The following ATP2B2 variants were observed in gnomAD, a reference collection of about 807,000 sequenced individuals.
ATP2B2 encodes the protein plasma membrane calcium-transporting ATPase 2.
In ATP2B2, 15 loss-of-function variants were observed where a neutral mutation model predicts 120.0. The ratio of observed to expected loss-of-function variants is 0.12; its 90% confidence interval spans 0.08 to 0.19. The LOEUF (loss-of-function observed/expected upper bound fraction) is 0.19, where lower values mean the gene tolerates loss of function less well. Among genes scored for constraint, ATP2B2 ranks in the 10% least tolerant of loss-of-function variants. The pLI is 1.00. For missense variants in ATP2B2, 1,045 were observed against 1,719.8 expected (o/e 0.61, Z 6.94); for synonymous variants, 694 against 700.3 (o/e 0.99, Z 0.14).
rs572114786 is a variant in ATP2B2, at chr3:10,358,303, A to G, written c.2136+388T>C. 3.9e-5 allele frequency among the ~76,000 whole-genome samples: 6 copies of G among 152,254 alleles called. No homozygotes were observed. The South Asian group carries it at 8.3e-4, about 21-fold the overall frequency. Reference sequence around the variant, plus strand: ...GTGTGTCCTTTGTAGGGACCCTGGAATCCATGTTTGTGGATTTGTTACAGG... The same window carrying G: ...GTGTGTCCTTTGTAGGGACCCTGGAGTCCATGTTTGTGGATTTGTTACAGG... On this transcript the variant is annotated intron_variant, in intron 14 of 22. Transcript: ENST00000360273.
chr3:10,593,716 G>A (rs1055299973), intron 2 of ATP2B2, among the ~76,000 whole-genome samples: 1 of 152,190 alleles, frequency 6.6e-6, no homozygotes, highest in African/African-American at 2.4e-5. Flanking sequence ...TGACAAATGG[G>A]ATCTAATTAA....
At chr3:10,557,952 G>A (rs980674394) in intron 2 of ATP2B2, among the ~76,000 whole-genome samples, 2 of 152,152 alleles carry the variant, frequency 1.3e-5, no homozygotes, top group African/African-American at 4.8e-5. Flanking sequence ...CTTGGTCAGA[G>A]ATGGTAGCAT....
chr3:10,660,111 A>C (rs2070741415), intron 1 of ATP2B2, among the ~76,000 whole-genome samples: 1 of 152,222 alleles, frequency 6.6e-6, no homozygotes, highest in South Asian at 2.1e-4. Flanking sequence ...TGTAGAGGGA[A>C]ATTTATAGCA....
chr3:10,483,428 A>G (rs535224014), intron 1 of ATP2B2, among the ~76,000 whole-genome samples: 2 of 152,348 alleles, frequency 1.3e-5, no homozygotes, highest in East Asian at 3.9e-4. Context: ...ACAATGGGCA[A>G]GGCCCTGGCC....
chr3:10,422,644 A>C (rs34922), intron 2 of ATP2B2, among the ~76,000 whole-genome samples: 61,301 of 152,142 alleles, frequency 0.4, 13,887 homozygotes, highest in East Asian at 0.71. Flanking sequence ...GCACATGCAC[A>C]CACAGATGTG....
chr3:10,508,179 G>C (rs6788913), upstream of ATP2B2, among the ~76,000 whole-genome samples: 57,270 of 152,042 alleles, frequency 0.38, 11,210 homozygotes, highest in East Asian at 0.65. Flanking sequence ...CATCCACCCC[G>C]CAGTGACTGG....
intron 2 of ATP2B2, among the ~76,000 whole-genome samples, chr3:10,577,082 C>G (rs2068271331): frequency 6.7e-6 from 1 of 148,660 alleles, no homozygotes; most frequent in Non-Finnish European, 1.5e-5. Flanking sequence ...AAGAAGCTGC[C>G]TGGGTATGGT....
At chr3:10,545,470 A>G (rs1222479716) in intron 2 of ATP2B2, among the ~76,000 whole-genome samples, 1 of 152,068 alleles carries the variant, frequency 6.6e-6, no homozygotes, top group Admixed American at 6.6e-5. Context: ...TGGAAGTTAC[A>G]GTGAGCCAAG....
At chr3:10,552,291 T>A (rs1438183541) in intron 2 of ATP2B2, among the ~76,000 whole-genome samples, 1 of 152,218 alleles carries the variant, frequency 6.6e-6, no homozygotes, top group Non-Finnish European at 1.5e-5. Context: ...GGGGCCCTTC[T>A]CCTCCTGCAA....
chr3:10,557,077 A>G (rs1177575183), intron 2 of ATP2B2, among the ~76,000 whole-genome samples: 1 of 152,118 alleles, frequency 6.6e-6, no homozygotes, highest in African/African-American at 2.4e-5. Context: ...CTGAGTCCCG[A>G]GAAGTGGTTC....
intron 1 of ATP2B2, among the ~76,000 whole-genome samples, chr3:10,503,012 A>G (rs2066456913): frequency 6.6e-6 from 1 of 152,162 alleles, no homozygotes; most frequent in Non-Finnish European, 1.5e-5. Flanking sequence ...CACTGAGATG[A>G]TACGTGCAAA....
At chr3:10,494,808 TG>T (rs2066076436) in intron 1 of ATP2B2, among the ~76,000 whole-genome samples, 2 of 152,034 alleles carry the variant, frequency 1.3e-5, no homozygotes, top group Admixed American at 1.3e-4. Flanking sequence ...CGGCATTGGG[TG>T]GGGGCTACGT....
At chr3:10,695,161 G>A (rs746401756) in intron 1 of ATP2B2, among the ~76,000 whole-genome samples, 2 of 151,314 alleles carry the variant, frequency 1.3e-5, no homozygotes, top group South Asian at 2.1e-4. Flanking sequence ...ACAGTTCCAC[G>A]TGGCTGGGGA....
chr3:10,641,434 A>G (rs1007728598), intron 1 of ATP2B2, among the ~76,000 whole-genome samples: 1 of 152,240 alleles, frequency 6.6e-6, no homozygotes, highest in Non-Finnish European at 1.5e-5. Context: ...GGCCCCGTAT[A>G]TGAGGGCCCA....
intron 1 of ATP2B2, among the ~76,000 whole-genome samples, chr3:10,502,376 A>G (rs530616242): frequency 6.6e-6 from 1 of 152,326 alleles, no homozygotes; most frequent in South Asian, 2.1e-4. Context: ...TGACTTGGCC[A>G]AGATCACACA....
upstream of ATP2B2, among the ~76,000 whole-genome samples, chr3:10,505,912 G>T (rs1016469545): frequency 3.9e-5 from 6 of 152,220 alleles, no homozygotes; most frequent in East Asian, 9.7e-4. Flanking sequence ...CTCCCCAGAA[G>T]CAGGAGGGAA....
In ATP2B2 at chr3:10,327,847, T is replaced by C. The variant is rs1383065859; in HGVS notation, c.*967A>G. On this transcript the variant is annotated 3_prime_UTR_variant, in exon 23 of 23. Transcript: ENST00000360273. ...GCCTGAGCCTCTCACGGTAGTGACA[T>C]TATTGAACGGAAATAGCAGGCAAAA... 1.3e-5 allele frequency: 2 copies of C among 152,652 alleles called. No homozygotes were observed. The highest frequency in any genetic ancestry group is 1.5e-5 in the Non-Finnish European group (1 of 68,044). The allele number at this position is 152,652 out of a possible 1,614,324, so 9.5% of individuals were successfully genotyped here. A position where few individuals can be genotyped will look rare whatever the true frequency, so the allele number is the denominator to read the frequency against.
chr3:10,401,137 A>G, intron 4 of ATP2B2, 59 bp from the exon 5 acceptor site: 2 of 1,603,270 alleles, frequency 1.2e-6, no homozygotes, highest in Non-Finnish European at 1.7e-6. Flanking sequence ...GGGCTGGAAC[A>G]TTCCCTTAAA....
At chr3:10,503,331 G>A (rs2066469484) in intron 1 of ATP2B2, among the ~76,000 whole-genome samples, 4 of 152,232 alleles carry the variant, frequency 2.6e-5, no homozygotes, top group Non-Finnish European at 4.4e-5. Context: ...TCTGGGCCAC[G>A]GGCAGCAGCT....
Sources: gnomAD v4.1 joint callset for allele counts (sites outside exome capture counted in the v4.1 genomes callset) on GRCh38, gnomAD v4.1.1 for gene constraint, MANE v1.5 for transcripts, NCBI Gene and HGNC (gene_info 2026-07-23, HGNC 2026-07-21) for gene names.